Variants in CAMTA1 observed in about 807,000 individuals in gnomAD.
CAMTA1 encodes calmodulin binding transcription activator 1.
A neutral mutation model predicts 170.9 loss-of-function variants in CAMTA1; 27 were observed. That is an observed-to-expected ratio of 0.16 (90% CI 0.12 to 0.22). The LOEUF (loss-of-function observed/expected upper bound fraction) is 0.22. Ranked by LOEUF, CAMTA1 falls within the 10% of genes least tolerant of loss-of-function variation. The pLI is 1.00. For synonymous variants in CAMTA1, 833 were observed against 891.5 expected, an observed-to-expected ratio of 0.93 and a Z score of 1.17; for missense variants, 1,619 against 2,217.2, an observed-to-expected ratio of 0.73 and a Z score of 5.42.
intron 6 of CAMTA1, among the ~76,000 whole-genome samples, chr1:7,498,075 G>A (rs1276695808): frequency 6.6e-6 from 1 of 152,158 alleles, no homozygotes; most frequent in Non-Finnish European, 1.5e-5. Context: ...AGTGGGGAAG[G>A]GGTGCGGGGA....
intron 3 of CAMTA1, among the ~76,000 whole-genome samples, chr1:6,932,006 C>T (rs1325532437): frequency 6.6e-6 from 1 of 152,216 alleles, no homozygotes; most frequent in Non-Finnish European, 1.5e-5. Flanking sequence ...ACACCATTCA[C>T]ATTGTATTCT....
At chr1:7,695,748 G>C (rs1275807572) in intron 11 of CAMTA1, among the ~76,000 whole-genome samples, 1 of 152,166 alleles carries the variant, frequency 6.6e-6, no homozygotes, top group Non-Finnish European at 1.5e-5. Context: ...GGGCATGCGA[G>C]TGTGTGTCAT....
intron 6 of CAMTA1, among the ~76,000 whole-genome samples, chr1:7,544,475 G>T (rs1477445196): frequency 1.3e-5 from 2 of 152,172 alleles, no homozygotes; most frequent in African/African-American, 2.4e-5. Flanking sequence ...ACCATTGAGG[G>T]TCTTTGTGCC....
At chr1:7,372,758 T>C (rs1035795978) in intron 5 of CAMTA1, among the ~76,000 whole-genome samples, 3 of 152,368 alleles carry the variant, frequency 2.0e-5, no homozygotes, top group East Asian at 3.9e-4. Context: ...ACAGAAGTGA[T>C]GCACAGAGAG....
At chr1:7,396,936 G>A (rs1242825651) in intron 5 of CAMTA1, among the ~76,000 whole-genome samples, 1 of 152,154 alleles carries the variant, frequency 6.6e-6, no homozygotes, top group Non-Finnish European at 1.5e-5. Context: ...TTTTCATCAT[G>A]TAGATTGGCC....
intron 6 of CAMTA1, among the ~76,000 whole-genome samples, chr1:7,510,181 G>A (rs1406759156): frequency 7.3e-6 from 1 of 137,842 alleles, no homozygotes; most frequent in Non-Finnish European, 1.6e-5. Flanking sequence ...TAAAGGGCAA[G>A]CTACCAAGGG....
intron 6 of CAMTA1, among the ~76,000 whole-genome samples, chr1:7,485,955 CAG>C (rs570955734): frequency 2.0e-4 from 31 of 152,360 alleles, no homozygotes; most frequent in African/African-American, 6.7e-4. Context: ...GGTGTCTGAT[CAG>C]AGAGTGCACG....
chr1:7,328,266 G>A (rs1225641977), intron 5 of CAMTA1, among the ~76,000 whole-genome samples: 1 of 152,172 alleles, frequency 6.6e-6, no homozygotes, highest in Admixed American at 6.5e-5. Flanking sequence ...GGAGGCTGAG[G>A]CAGGCGGATT....
intron 4 of CAMTA1, among the ~76,000 whole-genome samples, chr1:7,160,905 C>T (rs768972645): frequency 1.3e-5 from 2 of 152,160 alleles, no homozygotes; most frequent in Non-Finnish European, 2.9e-5. Context: ...TCAGTTGGTC[C>T]AGTCATTCAC....
At position 7,443,701 on chromosome 1, in the gene CAMTA1, C is replaced by T. The variant is rs781723243; in HGVS notation, c.439-24129C>T. Among the ~76,000 whole-genome samples, 2 of 152,022 alleles carry T rather than the reference C, an allele frequency of 1.3e-5. No individual in the cohort carries two copies. The highest frequency in any genetic ancestry group is 4.8e-5 in the African/African-American group (2 of 41,382). On this transcript the variant is annotated intron_variant, in intron 5 of 22. Transcript: ENST00000303635. The surrounding 1 kb of genome is among the most constrained non-coding windows in gnomAD (Gnocchi z 4.1). ...CTGGGGCATTCTGGGTGAGCTGATGCCAGAGGTGGGTTTTGTAGATGTGGA... is the reference window on the plus strand; with the variant it reads ...CTGGGGCATTCTGGGTGAGCTGATGTCAGAGGTGGGTTTTGTAGATGTGGA...
At chr1:7,703,979 G>A (rs1380645396) in intron 11 of CAMTA1, among the ~76,000 whole-genome samples, 2 of 151,926 alleles carry the variant, frequency 1.3e-5, no homozygotes, top group African/African-American at 2.4e-5. Flanking sequence ...CAGCTAAGGG[G>A]GCCCAGCGCC....
intron 9 of CAMTA1, among the ~76,000 whole-genome samples, chr1:7,668,635 G>A (rs996693521): frequency 2.6e-5 from 4 of 152,168 alleles, no homozygotes; most frequent in Middle Eastern, 3.4e-3. Context: ...CCTCAGGCAC[G>A]CGCGTCACCA....
intron 6 of CAMTA1, among the ~76,000 whole-genome samples, chr1:7,536,168 G>A (rs373283643): frequency 1.4e-4 from 21 of 152,058 alleles, no homozygotes; most frequent in Non-Finnish European, 7.4e-5. Flanking sequence ...TCCAGCCCCC[G>A]TCATCGTGTG....
At chr1:7,612,734 T>G (rs17031167) in intron 6 of CAMTA1, among the ~76,000 whole-genome samples, 9,699 of 152,296 alleles carry the variant, frequency 0.064, 987 homozygotes, top group African/African-American at 0.22. Flanking sequence ...TGTGGACCAC[T>G]CAGAGACAGG....
chr1:6,928,847 C>T (rs1034183196), intron 3 of CAMTA1, among the ~76,000 whole-genome samples: 2 of 152,182 alleles, frequency 1.3e-5, no homozygotes, highest in African/African-American at 4.8e-5. Context: ...CTCCTCATGG[C>T]CCTTTAAATG....
chr1:7,075,835 G>T (rs1241652785), intron 3 of CAMTA1, among the ~76,000 whole-genome samples: 1 of 151,188 alleles, frequency 6.6e-6, no homozygotes, highest in African/African-American at 2.4e-5. Context: ...GCTAATTTTT[G>T]TATTTTTAGT....
chr1:7,058,170 C>T (rs527752276), intron 3 of CAMTA1, among the ~76,000 whole-genome samples: 6 of 150,186 alleles, frequency 4.0e-5, no homozygotes, highest in African/African-American at 9.7e-5. Flanking sequence ...CCCAGCACCC[C>T]GCATCACGAC....
intron 5 of CAMTA1, among the ~76,000 whole-genome samples, chr1:7,258,444 A>G (rs768130746): frequency 1.3e-5 from 2 of 152,164 alleles, no homozygotes; most frequent in Admixed American, 6.5e-5. Flanking sequence ...AAATTTTAGC[A>G]TATTCAGTTA....
At chr1:7,161,674 A>G (rs1279955945) in intron 4 of CAMTA1, among the ~76,000 whole-genome samples, 2 of 152,240 alleles carry the variant, frequency 1.3e-5, no homozygotes, top group African/African-American at 4.8e-5. Flanking sequence ...CTCCCCAGCC[A>G]CATGGAACTG....
Sources: gnomAD v4.1 joint callset for allele counts (sites outside exome capture counted in the v4.1 genomes callset) on GRCh38, gnomAD v4.1.1 for gene constraint, Gnocchi (gnomAD v3.1) non-coding constraint, MANE v1.5 for transcripts, NCBI Gene and HGNC (gene_info 2026-07-23, HGNC 2026-07-21) for gene names.